The following CBFA2T3 variants were observed in gnomAD, a reference collection of about 807,000 sequenced individuals.
CBFA2T3 encodes CBFA2/RUNX1 partner transcriptional co-repressor 3.
A neutral mutation model predicts 58.6 loss-of-function variants in CBFA2T3; 31 were observed. The observed-to-expected ratio is 0.53, with a 90% CI of 0.40 to 0.71. The LOEUF (loss-of-function observed/expected upper bound fraction) is 0.71, where lower values mean the gene tolerates loss of function less well. Among genes scored for constraint, CBFA2T3 ranks in the 30% least tolerant of loss-of-function variants. CBFA2T3 has a pLI of 0.00. For missense variants in CBFA2T3, 1,076 were observed against 963.1 expected, an observed-to-expected ratio of 1.12 and a Z score of -1.55; for synonymous variants, 531 against 421.9, an observed-to-expected ratio of 1.26 and a Z score of -3.17.
intron 8 of CBFA2T3, 41 bp from the exon 9 acceptor site, chr16:88,881,530 C>G: frequency 6.4e-7 from 1 of 1,567,278 alleles, no homozygotes; most frequent in South Asian, 1.1e-5. Flanking sequence ...TCAGAGGGAC[C>G]GGGACGCACC....
intron 1 of CBFA2T3, among the ~76,000 whole-genome samples, chr16:88,947,838 C>G (rs1446220191): frequency 6.6e-6 from 1 of 152,160 alleles, no homozygotes; most frequent in Non-Finnish European, 1.5e-5. Flanking sequence ...TGCTTGAGCC[C>G]AAGAGGTTAA....
At chr16:88,923,617 C>T (rs1448374098) in intron 1 of CBFA2T3, among the ~76,000 whole-genome samples, 1 of 152,240 alleles carries the variant, frequency 6.6e-6, no homozygotes, top group Admixed American at 6.5e-5. Flanking sequence ...GCTGCAGGCT[C>T]TGCACAGCCC....
chr16:88,956,652 A>G (rs1456344790), intron 1 of CBFA2T3, among the ~76,000 whole-genome samples: 2 of 152,264 alleles, frequency 1.3e-5, no homozygotes, highest in Middle Eastern at 3.4e-3. Context: ...CATTACCCCA[A>G]CCTGCAGCTG....
chr16:88,974,025 C>T (rs546320379), intron 1 of CBFA2T3, among the ~76,000 whole-genome samples: 1 of 152,216 alleles, frequency 6.6e-6, no homozygotes, highest in Non-Finnish European at 1.5e-5. Flanking sequence ...ACCAGGCAGG[C>T]CTGACTCAGT....
chr16:88,898,149 C>G lies in CBFA2T3; in HGVS notation c.308G>C (p.Arg103Pro), dbSNP rs61734177. The G allele has an allele frequency of 0.079, 127,251 of 1,610,180 alleles. 5,840 individuals are homozygous for G. The highest frequency in any genetic ancestry group is 0.099 in the Middle Eastern group (598 of 6,024). The change falls in exon 3 of 12, where the codon CGA (arginine) becomes CCA (proline). Residue 103 changes from arginine (R) to proline (P), a missense_variant. Transcript: ENST00000268679. Reference sequence around the variant, plus strand: ...GGGCAGCGTCGCAGGCCCGTCCTCTCGATCTGTAAGCAAAATAAGAAGAAC... The same window carrying G: ...GGGCAGCGTCGCAGGCCCGTCCTCTGGATCTGTAAGCAAAATAAGAAGAAC... ...RPPSFTPHTHREDGPATLPHG... is the reference protein window; with the variant it reads ...RPPSFTPHTHPEDGPATLPHG...
intron 3 of CBFA2T3, among the ~76,000 whole-genome samples, chr16:88,897,614 T>A (rs1486811297): frequency 1.3e-5 from 2 of 152,204 alleles, no homozygotes; most frequent in Non-Finnish European, 2.9e-5. Flanking sequence ...CATGATGACT[T>A]CCATTTTACA....
At chr16:88,927,704 C>T (rs1341614841) in intron 1 of CBFA2T3, among the ~76,000 whole-genome samples, 1 of 152,154 alleles carries the variant, frequency 6.6e-6, no homozygotes, top group African/African-American at 2.4e-5. Context: ...GGATGATCCC[C>T]CTTCCGCCTC....
intron 1 of CBFA2T3, among the ~76,000 whole-genome samples, chr16:88,963,647 C>G (rs1264453761): frequency 6.6e-6 from 1 of 152,228 alleles, no homozygotes; most frequent in Admixed American, 6.5e-5. Context: ...CCTCTTGGCT[C>G]TTTCACTTAG....
rs747896629 is a variant in CBFA2T3, at chr16:88,877,098, C to G, written c.1840G>C (p.Ala614Pro). The stretch of plus-strand genomic sequence containing the variant: ...GGCAGGGAGGGGCCCAGGCTGTGGG[C>G]GGCTTCGGGCGGTCCAGGCACCGGG... ...ADPVPGPPEA[A>P]HSLGPSLPVG... The change falls in exon 12 of 12, where the codon GCC becomes CCC. Residue 614 changes from alanine to proline, a missense_variant. Transcript: ENST00000268679. 6.5e-7 allele frequency: 1 copy of G among 1,542,424 alleles called. No homozygotes were observed. Among genetic ancestry groups the G allele is most frequent in the South Asian group, 1.2e-5 (1 of 83,770 alleles).
intron 2 of CBFA2T3, among the ~76,000 whole-genome samples, chr16:88,900,543 G>A (rs1970056092): frequency 6.6e-6 from 1 of 152,206 alleles, no homozygotes; most frequent in South Asian, 2.1e-4. Flanking sequence ...AGGGACCCGG[G>A]GCAAGCAGGA....
chr16:88,976,026 C>T (rs974297718), intron 1 of CBFA2T3, among the ~76,000 whole-genome samples: 1 of 152,252 alleles, frequency 6.6e-6, no homozygotes, highest in African/African-American at 2.4e-5. Context: ...GATCCTTGTC[C>T]TGGGACTTCG....
At chr16:88,902,811 A>C (rs1168236021) in intron 1 of CBFA2T3, among the ~76,000 whole-genome samples, 7 of 152,122 alleles carry the variant, frequency 4.6e-5, no homozygotes, top group African/African-American at 1.4e-4. Context: ...CAATCTGCTG[A>C]ATACCGGACT....
At chr16:88,912,201 T>G (rs1970553586) in intron 1 of CBFA2T3, among the ~76,000 whole-genome samples, 1 of 152,236 alleles carries the variant, frequency 6.6e-6, no homozygotes, top group South Asian at 2.1e-4. Flanking sequence ...GCCTCTTCCT[T>G]TCCCAAGGAG....
chr16:88,907,628 C>G (rs1181856193), intron 1 of CBFA2T3, among the ~76,000 whole-genome samples: 1 of 151,978 alleles, frequency 6.6e-6, no homozygotes, highest in Non-Finnish European at 1.5e-5. Context: ...TGACCTGGCC[C>G]AGCTACCCCT....
intron 1 of CBFA2T3, among the ~76,000 whole-genome samples, chr16:88,915,911 C>G (rs1459191945): frequency 6.6e-6 from 1 of 152,092 alleles, no homozygotes. Context: ...ACGGTGCCCT[C>G]TATCCATTAG....
At position 88,885,859 on chromosome 16, in the gene CBFA2T3, G is replaced by T; in HGVS notation, c.893+102C>A. The T allele has an allele frequency of 9.4e-7, 1 of 1,063,184 alleles. No homozygotes were observed. The highest frequency in any genetic ancestry group is 1.4e-6 in the Non-Finnish European group (1 of 739,574). The allele number at this position is 1,063,184 out of a possible 1,614,324, so 65.9% of individuals were successfully genotyped here. A position where few individuals can be genotyped will look rare whatever the true frequency, so the allele number is the denominator to read the frequency against. ...TCAGCCCGAGAGAGCCGGCCGGGCTGGCTGCAGCCCCAGAGGAGGTTCCCT... is the reference window on the plus strand; with the variant it reads ...TCAGCCCGAGAGAGCCGGCCGGGCTTGCTGCAGCCCCAGAGGAGGTTCCCT... On this transcript the variant is annotated intron_variant, in intron 6 of 11. Coordinates refer to ENST00000268679, the MANE Select transcript of CBFA2T3 (RefSeq NM_005187.6). The surrounding 1 kb of genome is among the most constrained non-coding windows in gnomAD (Gnocchi z 5.3).
chr16:88,948,693 C>T (rs1186862055), intron 1 of CBFA2T3, among the ~76,000 whole-genome samples: 1 of 152,224 alleles, frequency 6.6e-6, no homozygotes, highest in East Asian at 1.9e-4. Context: ...TCATTTCTTT[C>T]TTCCTTCACT....
At chr16:88,923,107 A>G (rs1970974849) in intron 1 of CBFA2T3, among the ~76,000 whole-genome samples, 1 of 152,144 alleles carries the variant, frequency 6.6e-6, no homozygotes, top group South Asian at 2.1e-4. Flanking sequence ...CAATTCGCCA[A>G]ATGTGGAGGG....
intron 1 of CBFA2T3, among the ~76,000 whole-genome samples, chr16:88,949,256 C>G (rs377428720): frequency 6.6e-6 from 1 of 152,152 alleles, no homozygotes; most frequent in Non-Finnish European, 1.5e-5. Context: ...ACAGGGGACC[C>G]CGATAAGAGA....
Sources: gnomAD v4.1 joint callset for allele counts (sites outside exome capture counted in the v4.1 genomes callset) on GRCh38, gnomAD v4.1.1 for gene constraint, Gnocchi (gnomAD v3.1) non-coding constraint, MANE v1.5 for transcripts, NCBI Gene and HGNC (gene_info 2026-07-23, HGNC 2026-07-21) for gene names.